CMTM4: variants seen among roughly 807,000 people sequenced by gnomAD.
CMTM4 encodes CKLF like MARVEL transmembrane domain containing 4.
CMTM4 carries 8 observed loss-of-function variants against 19.0 expected under a neutral mutation model. That is an observed-to-expected ratio of 0.42 (90% CI 0.25 to 0.76). The LOEUF is 0.76. Among genes scored for constraint, CMTM4 ranks in the 30% least tolerant of loss-of-function variants. The probability of loss-of-function intolerance (pLI) is 0.27; values close to 1 mark genes in which losing one functional copy is unlikely to be tolerated. For synonymous variants in CMTM4, 106 were observed against 121.1 expected (o/e 0.88, Z 0.82); for missense variants, 228 against 290.2 (o/e 0.79, Z 1.56).
the CMTM4 span, chr16:66,609,314 GATGGGAT>G: frequency 1.2e-6 from 1 of 806,430 alleles, no homozygotes; most frequent in South Asian, 1.6e-5. This position sits in a 1 kb window ranked among gnomAD's most constrained non-coding sequence, Gnocchi z 4.4. Flanking sequence ...GTGGGGCCAG[GATGGGAT>G]AGGAGCCCTC....
chr16:66,627,514 G>A (rs1304749243), intron 2 of CMTM4, among the ~76,000 whole-genome samples: 2 of 152,150 alleles, frequency 1.3e-5, no homozygotes, highest in Non-Finnish European at 2.9e-5. Context: ...TGTAATTTTA[G>A]AACATTTTTA....
rs1567432380 is a variant in CMTM4, at chr16:66,683,199, A to ATATATATG, written c.186+13140_186+13141insCATATATA. Among the ~76,000 whole-genome samples, 29 of 126,242 alleles carry ATATATATG rather than the reference A, an allele frequency of 2.3e-4. 1 individual carries two copies. The highest frequency in any genetic ancestry group is 8.5e-4 in the African/African-American group (27 of 31,640). The allele number at this position is 126,242 out of a possible 152,430, so 82.8% of individuals were successfully genotyped here. A position where few individuals can be genotyped will look rare whatever the true frequency, so the allele number is the denominator to read the frequency against. ...TACATATGTATATATATATACATATATATATATATATAAATTTTCCCCATG... is the reference window on the plus strand; with the variant it reads ...TACATATGTATATATATATACATATATATATATGTATATATATATAAATTTTCCCCATG... On this transcript the variant is annotated intron_variant, in intron 1 of 3. Coordinates refer to ENST00000394106, the MANE Select transcript of CMTM4 (RefSeq NM_181521.3).
intron 1 of CMTM4, among the ~76,000 whole-genome samples, chr16:66,685,494 C>T (rs1300747428): frequency 2.0e-5 from 3 of 152,084 alleles, no homozygotes; most frequent in Admixed American, 1.3e-4. Flanking sequence ...CAAGTCTGTA[C>T]AGCACGACTT....
In CMTM4 at chr16:66,619,027, C is replaced by G; in HGVS notation, c.*3031G>C. On this transcript the variant is annotated 3_prime_UTR_variant, in exon 4 of 4. Transcript: ENST00000394106. ...TTTTCTGTAGACAAAAGTCACCTCC[C>G]TCGGATGGCTGTTTACTTCAAATCA... is the stretch of plus-strand genomic sequence containing the variant. 1.0e-6 allele frequency: 1 copy of G among 985,502 alleles called. No individual in the cohort carries two copies. Among genetic ancestry groups the G allele is most frequent in the East Asian group, 1.1e-4 (1 of 8,818 alleles). The allele number at this position is 985,502 out of a possible 1,614,324, so 61.0% of individuals were successfully genotyped here. A position where few individuals can be genotyped will look rare whatever the true frequency, so the allele number is the denominator to read the frequency against.
the CMTM4 span, among the ~76,000 whole-genome samples, chr16:66,603,425 T>C: frequency 6.6e-6 from 1 of 151,864 alleles, no homozygotes; most frequent in Non-Finnish European, 1.5e-5. Flanking sequence ...GTAGCTGAGA[T>C]TATAGGCACG....
At chr16:66,657,720 G>A (rs1312092004) in intron 1 of CMTM4, among the ~76,000 whole-genome samples, 3 of 152,086 alleles carry the variant, frequency 2.0e-5, no homozygotes, top group Admixed American at 6.5e-5. Context: ...AAAAATCCAC[G>A]AGTTTGGAGA....
intron 1 of CMTM4, among the ~76,000 whole-genome samples, chr16:66,665,026 C>G (rs1392834139): frequency 2.0e-5 from 3 of 152,062 alleles, no homozygotes; most frequent in Non-Finnish European, 4.4e-5. Context: ...TCAGTGCAGC[C>G]TTGACCTACC....
intron 1 of CMTM4, among the ~76,000 whole-genome samples, chr16:66,688,117 C>G (rs2017069540): frequency 6.6e-6 from 1 of 152,102 alleles, no homozygotes; most frequent in African/African-American, 2.4e-5. Context: ...TTCTATGTGT[C>G]CTCACATGGC....
At chr16:66,669,796 G>A (rs932608189) in intron 1 of CMTM4, among the ~76,000 whole-genome samples, 5 of 151,904 alleles carry the variant, frequency 3.3e-5, no homozygotes, top group African/African-American at 9.7e-5. Flanking sequence ...CACCCACCTC[G>A]GCCTCCCAAA....
chr16:66,668,358 C>T (rs1159891587), intron 1 of CMTM4, among the ~76,000 whole-genome samples: 1 of 152,046 alleles, frequency 6.6e-6, no homozygotes, highest in South Asian at 2.1e-4. Flanking sequence ...CTAAGTTCTG[C>T]TTATGGCCAT....
chr16:66,685,984 G>A lies in CMTM4; in HGVS notation c.186+10356C>T, dbSNP rs552690708. ...GAACAAAGTTCTGGAGCCGGGCATG[G>A]TGGCTCATGCCTGTAATCCCAGCAG... is the stretch of plus-strand genomic sequence containing the variant. On this transcript the variant is annotated intron_variant, in intron 1 of 3. Coordinates refer to ENST00000394106, the MANE Select transcript of CMTM4 (RefSeq NM_181521.3). Among the ~76,000 whole-genome samples, 71 of 152,298 alleles carry A rather than the reference G, an allele frequency of 4.7e-4. No homozygotes were observed. The South Asian group carries it at 9.1e-3, about 20-fold the overall frequency.
chr16:66,600,287 G>A, the CMTM4 span, among the ~76,000 whole-genome samples: 3 of 151,936 alleles, frequency 2.0e-5, no homozygotes, highest in East Asian at 3.9e-4. Flanking sequence ...GAACTACAGG[G>A]GGCACACCAC....
chr16:66,659,196 A>G (rs1301621274), intron 1 of CMTM4, among the ~76,000 whole-genome samples: 2 of 151,980 alleles, frequency 1.3e-5, no homozygotes, highest in African/African-American at 4.8e-5. Flanking sequence ...CCTGGCCAAT[A>G]TTGCGTTGTC....
the CMTM4 span, among the ~76,000 whole-genome samples, chr16:66,601,105 GTC>G: frequency 3.4e-5 from 5 of 145,200 alleles, no homozygotes; most frequent in South Asian, 2.2e-4. Flanking sequence ...GTGTGTGTGT[GTC>G]TGTGTGTGTG....
chr16:66,598,762 G>T, the CMTM4 span, among the ~76,000 whole-genome samples: 2 of 152,064 alleles, frequency 1.3e-5, no homozygotes. Flanking sequence ...CCTTTTTCTT[G>T]CTGAGTAGTA....
At chr16:66,658,159 G>T (rs894637266) in intron 1 of CMTM4, among the ~76,000 whole-genome samples, 1 of 151,920 alleles carries the variant, frequency 6.6e-6, no homozygotes, top group African/African-American at 2.4e-5. Context: ...GAGCTCAGGA[G>T]GTCTAGGCTG....
At chr16:66,636,747 C>T (rs2015999494) in intron 1 of CMTM4, among the ~76,000 whole-genome samples, 166 bp from the exon 2 acceptor site, 1 of 152,070 alleles carries the variant, frequency 6.6e-6, no homozygotes, top group African/African-American at 2.4e-5. Context: ...TCAATTCTTA[C>T]CTAAAGAATA....
chr16:66,679,097 TAA>T (rs577591880), intron 1 of CMTM4, among the ~76,000 whole-genome samples: 11 of 136,498 alleles, frequency 8.1e-5, no homozygotes, highest in Non-Finnish European at 6.4e-5. Context: ...AGACTCCATC[TAA>T]AAAAAAAAAA....
chr16:66,632,864 C>A (rs1389861830), intron 2 of CMTM4, among the ~76,000 whole-genome samples: 2 of 151,692 alleles, frequency 1.3e-5, no homozygotes, highest in Non-Finnish European at 2.9e-5. Flanking sequence ...GGGCAGGTCA[C>A]CTGAGGTTGG....
Sources: gnomAD v4.1 joint callset for allele counts (sites outside exome capture counted in the v4.1 genomes callset) on GRCh38, gnomAD v4.1.1 for gene constraint, Gnocchi (gnomAD v3.1) non-coding constraint, MANE v1.5 for transcripts, NCBI Gene and HGNC (gene_info 2026-07-23, HGNC 2026-07-21) for gene names.